Variants in LRRTM4 observed in about 807,000 individuals in gnomAD.
The protein encoded by LRRTM4 is leucine-rich repeat transmembrane neuronal protein 4.
A neutral mutation model predicts 47.6 loss-of-function variants in LRRTM4; 25 were observed. The observed-to-expected ratio is 0.53, with a 90% confidence interval of 0.38 to 0.73. The LOEUF (loss-of-function observed/expected upper bound fraction) is 0.73, where lower values mean the gene tolerates loss of function less well. Ranked by LOEUF, LRRTM4 falls within the 30% of genes least tolerant of loss-of-function variation. LRRTM4 has a pLI of 0.00. For synonymous variants in LRRTM4, 311 were observed against 269.5 expected (o/e 1.15, Z -1.51); for missense variants, 638 against 713.4 (o/e 0.89, Z 1.20).
Position 77,083,995 on chromosome 2 carries a change from C to T in LRRTM4, c.1552-335079G>A, listed in dbSNP as rs181975016. Reference sequence around the variant, plus strand: ...AATTTTTTTATATTTTTAGTAGAGACGGGGTTTCACCATGTTAGCAAGGAT... The same window carrying T: ...AATTTTTTTATATTTTTAGTAGAGATGGGGTTTCACCATGTTAGCAAGGAT... On this transcript the variant is annotated intron_variant, in intron 3 of 3. Coordinates refer to ENST00000409884, the MANE Select transcript of LRRTM4 (RefSeq NM_001134745.3). Among the ~76,000 whole-genome samples the T allele has an allele frequency of 5.2e-3, 787 of 151,336 alleles. 11 individuals carry two copies. The highest frequency in any genetic ancestry group is 0.018 in the African/African-American group (737 of 41,276).
At chr2:77,014,739 G>A (rs1307113825) in intron 3 of LRRTM4, among the ~76,000 whole-genome samples, 1 of 152,102 alleles carries the variant, frequency 6.6e-6, no homozygotes, top group African/African-American at 2.4e-5. Context: ...TTGAACCTGG[G>A]AGGTGGAGGT....
intron 3 of LRRTM4, among the ~76,000 whole-genome samples, chr2:77,069,230 G>T (rs1351624378): frequency 1.3e-5 from 2 of 152,084 alleles, no homozygotes; most frequent in Non-Finnish European, 2.9e-5. Flanking sequence ...CCCCGACCGA[G>T]TTGGTCTCAT....
At chr2:76,854,191 A>C (rs1672077661) in intron 3 of LRRTM4, among the ~76,000 whole-genome samples, 1 of 152,126 alleles carries the variant, frequency 6.6e-6, no homozygotes, top group South Asian at 2.1e-4. Flanking sequence ...AACATTATCC[A>C]CTGTTAGAAA....
At chr2:76,839,447 T>C (rs1671609888) in intron 3 of LRRTM4, among the ~76,000 whole-genome samples, 4 of 152,154 alleles carry the variant, frequency 2.6e-5, no homozygotes, top group Admixed American at 2.6e-4. Flanking sequence ...TGCATTACTT[T>C]TGCTATATAG....
intron 3 of LRRTM4, among the ~76,000 whole-genome samples, chr2:77,046,897 A>T (rs778759812): frequency 1.3e-5 from 2 of 152,024 alleles, no homozygotes; most frequent in Non-Finnish European, 2.9e-5. Context: ...GGCTGGATAA[A>T]AGAAAGGGAA....
intron 3 of LRRTM4, among the ~76,000 whole-genome samples, chr2:77,119,794 G>A (rs1273204701): frequency 6.6e-6 from 1 of 151,720 alleles, no homozygotes; most frequent in East Asian, 1.9e-4. Flanking sequence ...ACTATTCTGG[G>A]TAACTTACTC....
chr2:77,476,145 A>T (rs1483086824), intron 3 of LRRTM4, among the ~76,000 whole-genome samples: 1 of 152,064 alleles, frequency 6.6e-6, no homozygotes, highest in Non-Finnish European at 1.5e-5. Flanking sequence ...GTGCTCAGGA[A>T]ATTGTGCTTA....
intron 3 of LRRTM4, among the ~76,000 whole-genome samples, chr2:76,900,258 C>T (rs1673577686): frequency 6.6e-6 from 1 of 151,784 alleles, no homozygotes; most frequent in Admixed American, 6.6e-5. Context: ...AAACCAAAAC[C>T]AAAAACAAAC....
At chr2:77,496,388 C>T (rs1678365641) in intron 3 of LRRTM4, among the ~76,000 whole-genome samples, 2 of 151,852 alleles carry the variant, frequency 1.3e-5, no homozygotes, top group African/African-American at 4.8e-5. Context: ...AGAATAGATA[C>T]TTTTGTCTTG....
chr2:77,490,382 T>C (rs975734537), intron 3 of LRRTM4, among the ~76,000 whole-genome samples: 3 of 152,044 alleles, frequency 2.0e-5, no homozygotes, highest in Admixed American at 1.3e-4. Flanking sequence ...ACTAAGTATT[T>C]GAGAAAACTA....
chr2:77,088,097 T>C (rs887651895), intron 3 of LRRTM4, among the ~76,000 whole-genome samples: 6 of 152,174 alleles, frequency 3.9e-5, no homozygotes, highest in Non-Finnish European at 8.8e-5. Context: ...AGTTAAATGA[T>C]TGGTCTTGCC....
intron 3 of LRRTM4, among the ~76,000 whole-genome samples, chr2:76,755,862 T>C (rs1276316915): frequency 2.0e-5 from 3 of 152,148 alleles, no homozygotes; most frequent in East Asian, 3.9e-4. Flanking sequence ...GAACAGACCT[T>C]CTTTTGGCCC....
At chr2:77,243,919 G>A (rs1253418659) in intron 3 of LRRTM4, among the ~76,000 whole-genome samples, 7 of 127,588 alleles carry the variant, frequency 5.5e-5, no homozygotes, top group Non-Finnish European at 9.8e-5. Flanking sequence ...ATCCCTCCCC[G>A]CTCCCCCCAC....
At chr2:77,004,231 C>A (rs1395292596) in intron 3 of LRRTM4, among the ~76,000 whole-genome samples, 1 of 151,626 alleles carries the variant, frequency 6.6e-6, no homozygotes, top group Non-Finnish European at 1.5e-5. Flanking sequence ...GGTGACAGTC[C>A]CCAACCCCCA....
At chr2:77,487,404 C>T (rs756656624) in intron 3 of LRRTM4, among the ~76,000 whole-genome samples, 1 of 152,222 alleles carries the variant, frequency 6.6e-6, no homozygotes, top group Non-Finnish European at 1.5e-5. Flanking sequence ...TGTCATGATC[C>T]GGCTGGGTGT....
At chr2:76,983,565 G>A (rs942377669) in intron 3 of LRRTM4, among the ~76,000 whole-genome samples, 5 of 152,042 alleles carry the variant, frequency 3.3e-5, no homozygotes, top group Non-Finnish European at 1.5e-5. Flanking sequence ...CCCCAGCCAT[G>A]TGAAACTGTG....
At chr2:77,018,020 C>T (rs1320910752) in intron 3 of LRRTM4, among the ~76,000 whole-genome samples, 4 of 151,730 alleles carry the variant, frequency 2.6e-5, no homozygotes, top group Admixed American at 2.6e-4. Flanking sequence ...TCCATCTATG[C>T]GCATGTTTAG....
In LRRTM4 at chr2:76,939,814, A is replaced by G. The variant is rs186628872; in HGVS notation, c.1552-190898T>C. Reference sequence around the variant, plus strand: ...CTGGTCATACATAGATCATTCATAAATCTTTTCATTTCTCAGGAAATTTTG... The same window carrying G: ...CTGGTCATACATAGATCATTCATAAGTCTTTTCATTTCTCAGGAAATTTTG... On this transcript the variant is annotated intron_variant, in intron 3 of 3. Coordinates refer to ENST00000409884, the MANE Select transcript of LRRTM4 (RefSeq NM_001134745.3). Among the ~76,000 whole-genome samples, 33 of 152,252 alleles carry G rather than the reference A, an allele frequency of 2.2e-4. No homozygotes were observed. In the East Asian group the frequency reaches 6.0e-3, roughly 28 times the overall value.
intron 3 of LRRTM4, among the ~76,000 whole-genome samples, chr2:76,807,447 T>TATATATATACAC (rs1384446349): frequency 7.7e-5 from 7 of 90,752 alleles, no homozygotes; most frequent in South Asian, 4.0e-4. Flanking sequence ...CGTATATACA[T>TATATATATACAC]ATATATATAT....
Sources: gnomAD v4.1 joint callset for allele counts (sites outside exome capture counted in the v4.1 genomes callset) on GRCh38, gnomAD v4.1.1 for gene constraint, MANE v1.5 for transcripts, NCBI Gene and HGNC (gene_info 2026-07-23, HGNC 2026-07-21) for gene names.